Variants in TSPAN9 observed in about 807,000 individuals in gnomAD.
The protein encoded by TSPAN9 is tetraspanin-9.
A neutral mutation model predicts 31.0 loss-of-function variants in TSPAN9; 16 were observed. The observed-to-expected ratio is 0.52, with a 90% CI of 0.35 to 0.78. The LOEUF is 0.78. TSPAN9 is among the 30% of genes least tolerant of loss of function. The probability of loss-of-function intolerance (pLI) is 0.01; values close to 1 mark genes in which losing one functional copy is unlikely to be tolerated. For missense variants in TSPAN9, 272 were observed against 312.5 expected (o/e 0.87, Z 0.98); for synonymous variants, 145 against 121.6 (o/e 1.19, Z -1.27).
At chr12:3,178,053 G>A (rs2098356796) in intron 2 of TSPAN9, among the ~76,000 whole-genome samples, 1 of 152,172 alleles carries the variant, frequency 6.6e-6, no homozygotes, top group South Asian at 2.1e-4. Flanking sequence ...ACAGGGCAGT[G>A]GTGTTTTCCT....
At chr12:3,179,913 C>T (rs2098357806) in intron 2 of TSPAN9, among the ~76,000 whole-genome samples, 2 of 152,336 alleles carry the variant, frequency 1.3e-5, no homozygotes, top group Admixed American at 6.5e-5. Context: ...CGTTTTGGCA[C>T]ATCTCCATCT....
intron 2 of TSPAN9, among the ~76,000 whole-genome samples, chr12:3,094,865 TTTTTG>T (rs1204816042): frequency 0.016 from 1,761 of 109,622 alleles, 48 homozygotes; most frequent in African/African-American, 0.044. Context: ...TTTTTTTTTT[TTTTTG>T]TTTTTAAATT....
intron 3 of TSPAN9, among the ~76,000 whole-genome samples, chr12:3,255,838 A>G (rs1331786264): frequency 6.6e-6 from 1 of 152,228 alleles, no homozygotes; most frequent in Non-Finnish European, 1.5e-5. Flanking sequence ...ATCCGTACAG[A>G]GATGAGAGCA....
chr12:3,276,010 C>G (rs546291648), intron 3 of TSPAN9, among the ~76,000 whole-genome samples: 17 of 152,182 alleles, frequency 1.1e-4, no homozygotes, highest in Non-Finnish European at 1.6e-4. Flanking sequence ...CATTTCTCAC[C>G]GCTCCTCCGT....
intron 3 of TSPAN9, among the ~76,000 whole-genome samples, chr12:3,212,169 G>C (rs1449236886): frequency 6.6e-6 from 1 of 151,820 alleles, no homozygotes; most frequent in Non-Finnish European, 1.5e-5. Flanking sequence ...ATGGGGCTTC[G>C]CTATGTTGCC....
chr12:3,088,147 G>A (rs1444713536), intron 2 of TSPAN9, among the ~76,000 whole-genome samples: 1 of 152,240 alleles, frequency 6.6e-6, no homozygotes, highest in Non-Finnish European at 1.5e-5. Flanking sequence ...TTGTTTTAGA[G>A]AAAATGAGGT....
chr12:3,155,912 T>C (rs1197661873), intron 2 of TSPAN9, among the ~76,000 whole-genome samples: 1 of 152,184 alleles, frequency 6.6e-6, no homozygotes, highest in East Asian at 1.9e-4. Flanking sequence ...TGCTTTGAAC[T>C]CTTCAGGACG....
chr12:3,180,168 TTCTTA>T (rs1389395517), intron 2 of TSPAN9, among the ~76,000 whole-genome samples: 2 of 152,244 alleles, frequency 1.3e-5, no homozygotes, highest in Non-Finnish European at 2.9e-5. Context: ...CATTAATTAA[TTCTTA>T]TCTTTACTGT....
chr12:3,084,433 C>G (rs1050443329), intron 2 of TSPAN9, among the ~76,000 whole-genome samples: 7 of 152,080 alleles, frequency 4.6e-5, no homozygotes, highest in Non-Finnish European at 1.0e-4. Flanking sequence ...CTTCCCTGAA[C>G]CCAATGGTGT....
intron 3 of TSPAN9, among the ~76,000 whole-genome samples, chr12:3,208,977 C>A (rs1168823739): frequency 6.6e-6 from 1 of 152,222 alleles, no homozygotes; most frequent in Non-Finnish European, 1.5e-5. Flanking sequence ...GGGCTCATGC[C>A]TGTAATCCTA....
chr12:3,217,710 C>T (rs2098382079), intron 3 of TSPAN9, among the ~76,000 whole-genome samples: 1 of 151,698 alleles, frequency 6.6e-6, no homozygotes. Flanking sequence ...ATCCCTTCAC[C>T]CCTTCACCCC....
chr12:3,082,817 C>G (rs541398339), intron 1 of TSPAN9, among the ~76,000 whole-genome samples: 25 of 152,250 alleles, frequency 1.6e-4, no homozygotes, highest in African/African-American at 5.8e-4. Context: ...GGCATTGTTT[C>G]GTCAACTAGA....
At chr12:3,140,665 G>A (rs563843026) in intron 2 of TSPAN9, among the ~76,000 whole-genome samples, 5 of 152,138 alleles carry the variant, frequency 3.3e-5, no homozygotes, top group Admixed American at 6.5e-5. Flanking sequence ...TTGGAATGAG[G>A]AAGATTTGTA....
At chr12:3,260,381 G>T (rs944041020) in intron 3 of TSPAN9, among the ~76,000 whole-genome samples, 13 of 152,238 alleles carry the variant, frequency 8.5e-5, no homozygotes, top group African/African-American at 9.6e-5. Context: ...TGCCAGTGAA[G>T]AATTTGGATG....
At chr12:3,135,445 G>A (rs7964868) in intron 2 of TSPAN9, among the ~76,000 whole-genome samples, 64,748 of 151,880 alleles carry the variant, frequency 0.43, 14,194 homozygotes, top group Admixed American at 0.53. Flanking sequence ...ATCCCTGGGA[G>A]GATAGGCAGC....
At chr12:3,151,838 G>A (rs562958982) in intron 2 of TSPAN9, among the ~76,000 whole-genome samples, 13 of 152,140 alleles carry the variant, frequency 8.5e-5, no homozygotes, top group African/African-American at 2.7e-4. Context: ...CAGGAGAGTC[G>A]CTTGAACCCG....
intron 3 of TSPAN9, among the ~76,000 whole-genome samples, chr12:3,223,355 C>A (rs1208508936): frequency 6.6e-6 from 1 of 152,154 alleles, no homozygotes; most frequent in African/African-American, 2.4e-5. Flanking sequence ...GGGCAGAGAT[C>A]GTCACGAATG....
chr12:3,089,442 ATGTG>A, intron 2 of TSPAN9, among the ~76,000 whole-genome samples: 1 of 150,430 alleles, frequency 6.6e-6, no homozygotes, highest in Non-Finnish European at 1.5e-5. Context: ...GATTACAGGC[ATGTG>A]CCACCACGCC....
At chr12:3,273,502 A>G (rs963762510) in intron 3 of TSPAN9, among the ~76,000 whole-genome samples, 3 of 152,098 alleles carry the variant, frequency 2.0e-5, no homozygotes, top group Non-Finnish European at 4.4e-5. Flanking sequence ...CTCACCCCAG[A>G]TTGTCCCATC....
Sources: allele counts gnomAD v4.1 joint callset (sites outside exome capture counted in the v4.1 genomes callset), GRCh38; gene constraint gnomAD v4.1.1; transcripts MANE v1.5; gene names NCBI Gene and HGNC (gene_info 2026-07-23, HGNC 2026-07-21).